DNAJC15: variants seen among roughly 807,000 people sequenced by gnomAD.
DNAJC15 encodes the protein DnaJ heat shock protein family (Hsp40) member C15.
Under a neutral mutation model 22.4 loss-of-function variants are expected in DNAJC15, and 27 were observed. The observed-to-expected ratio is 1.20, with a 90% CI of 0.89 to 1.66. The LOEUF (loss-of-function observed/expected upper bound fraction) is 1.66. DNAJC15 is among the 40% of genes most tolerant of loss of function. DNAJC15 has a pLI of 0.00. For synonymous variants in DNAJC15, 79 were observed against 63.2 expected, an observed-to-expected ratio of 1.25 and a Z score of -1.19; for missense variants, 208 against 187.1, an observed-to-expected ratio of 1.11 and a Z score of -0.65.
At chr13:43,024,139 A>G (rs939080305) in intron 1 of DNAJC15, among the ~76,000 whole-genome samples, 1 of 152,152 alleles carries the variant, frequency 6.6e-6, no homozygotes, top group Admixed American at 6.5e-5. Flanking sequence ...GAATAAAAAC[A>G]GTCCATTCAG....
chr13:43,091,017 C>T (rs1423156296), intron 5 of DNAJC15, among the ~76,000 whole-genome samples: 1 of 152,078 alleles, frequency 6.6e-6, no homozygotes, highest in East Asian at 1.9e-4. Context: ...ATGAAGCCAT[C>T]TGGGCTTGGA....
chr13:43,037,518 AAGTAGAC>A (rs2153439673), intron 1 of DNAJC15, among the ~76,000 whole-genome samples: 1 of 152,292 alleles, frequency 6.6e-6, no homozygotes, highest in South Asian at 2.1e-4. Flanking sequence ...GTTTATTTTA[AAGTAGAC>A]AGGTCAGAGG....
At chr13:43,080,329 C>T (rs978730461) in intron 4 of DNAJC15, among the ~76,000 whole-genome samples, 3 of 152,146 alleles carry the variant, frequency 2.0e-5, no homozygotes, top group African/African-American at 7.2e-5. Context: ...TCTGTTTCTG[C>T]ATTAGTTTGC....
intron 5 of DNAJC15, among the ~76,000 whole-genome samples, chr13:43,102,866 A>T (rs2153442328): frequency 6.6e-6 from 1 of 152,138 alleles, no homozygotes; most frequent in East Asian, 1.9e-4. Context: ...AAGAGTTTAA[A>T]GTGTTTTCTT....
rs1487455791 is a variant in DNAJC15, at chr13:43,109,677, T to TA, written c.*2430dup. On this transcript the variant is annotated 3_prime_UTR_variant, in exon 6 of 6. Transcript: ENST00000379221. ...TAGTCAATAACCCGTATCTATAAAA[T>TA]AGAGAAAATAATCCTACACACCGGG... 1 of 151,844 alleles carries TA rather than the reference T, an allele frequency of 6.6e-6. No individual in the cohort carries two copies. The highest frequency in any genetic ancestry group is 2.4e-5 in the African/African-American group (1 of 41,310). 9.4% of individuals were successfully genotyped at this position (151,844 alleles called of 1,614,324 possible).
chr13:43,024,337 G>T (rs886760490), intron 1 of DNAJC15, among the ~76,000 whole-genome samples: 23 of 93,386 alleles, frequency 2.5e-4, no homozygotes, highest in East Asian at 6.8e-4. Context: ...GTATTTTTAC[G>T]TTTTTTTTTT....
In DNAJC15 at chr13:43,023,661, A is replaced by T. The variant is rs548383604; in HGVS notation, c.35A>T (p.Glu12Val). ...AARGVIAPVGESLRYAEYLQP... is the reference protein window; with the variant it reads ...AARGVIAPVGVSLRYAEYLQP... ...CGTGGTGTCATCGCTCCAGTTGGCGAGAGTTTGCGCTACGCTGAGTACTTG... is the reference window on the plus strand; with the variant it reads ...CGTGGTGTCATCGCTCCAGTTGGCGTGAGTTTGCGCTACGCTGAGTACTTG... The change falls in exon 1 of 6, where the codon GAG becomes GTG. Residue 12 changes from glutamate (E) to valine (V), a missense_variant. Transcript: ENST00000379221. 1 of 1,612,580 alleles carries T rather than the reference A, an allele frequency of 6.2e-7. No homozygotes were observed. Among genetic ancestry groups the T allele is most frequent in the South Asian group, 1.1e-5 (1 of 90,772 alleles).
intron 4 of DNAJC15, among the ~76,000 whole-genome samples, chr13:43,082,829 C>A (rs978999222): frequency 5.3e-5 from 8 of 150,626 alleles, no homozygotes; most frequent in African/African-American, 2.0e-4. Flanking sequence ...TACAATGGTT[C>A]AGCAGAACAT....
intron 1 of DNAJC15, among the ~76,000 whole-genome samples, chr13:43,052,130 A>C (rs35865643): frequency 6.6e-6 from 1 of 151,516 alleles, no homozygotes; most frequent in African/African-American, 2.4e-5. Context: ...ACAGCCAGCT[A>C]ATTTTTGTAT....
chr13:43,090,804 T>C (rs1413665995), intron 5 of DNAJC15, among the ~76,000 whole-genome samples: 2 of 151,144 alleles, frequency 1.3e-5, no homozygotes, highest in Non-Finnish European at 2.9e-5. Context: ...GCCTCCTGGG[T>C]TCACACCATT....
At position 43,063,156 on chromosome 13, in the gene DNAJC15, C is replaced by T. The variant is rs928034950; in HGVS notation, c.109-2530C>T. Among the ~76,000 whole-genome samples, 19 of 152,236 alleles carry T rather than the reference C, an allele frequency of 1.2e-4. No homozygotes were observed. The South Asian group carries it at 1.5e-3, about 12-fold the overall frequency. ...TCCTGAGTAGCTGGGATTACAGGCA[C>T]ACGCTCCCATGCCCAGCTAATTTTT... is the stretch of plus-strand genomic sequence containing the variant. On this transcript the variant is annotated intron_variant, in intron 1 of 5. Transcript: ENST00000379221.
chr13:43,051,745 A>G (rs1181378513), intron 1 of DNAJC15, among the ~76,000 whole-genome samples: 2 of 152,144 alleles, frequency 1.3e-5, no homozygotes, highest in African/African-American at 2.4e-5. Context: ...TTGTGCTGCC[A>G]TAAACATGCA....
chr13:43,034,438 C>T (rs1253687973), intron 1 of DNAJC15, among the ~76,000 whole-genome samples: 6 of 151,030 alleles, frequency 4.0e-5, no homozygotes, highest in Non-Finnish European at 7.4e-5. Context: ...GCCTCAGCCT[C>T]CTGAGTAGCT....
intron 1 of DNAJC15, among the ~76,000 whole-genome samples, chr13:43,048,473 C>G (rs1312886157): frequency 6.6e-6 from 1 of 152,246 alleles, no homozygotes; most frequent in Admixed American, 6.5e-5. Context: ...GCTTGGGCAA[C>G]AAGAGCAAAA....
At chr13:43,060,106 GTCT>G (rs2040551398) in intron 1 of DNAJC15, among the ~76,000 whole-genome samples, 2 of 152,190 alleles carry the variant, frequency 1.3e-5, no homozygotes, top group Admixed American at 6.5e-5. Flanking sequence ...TGACATTCCT[GTCT>G]TCTTATATTA....
chr13:43,066,692 T>A (rs1204975149), intron 2 of DNAJC15, among the ~76,000 whole-genome samples: 1 of 152,132 alleles, frequency 6.6e-6, no homozygotes, highest in Non-Finnish European at 1.5e-5. Flanking sequence ...GGGCGATCTC[T>A]GCTCACTTCA....
At chr13:43,089,494 G>T (rs1376843656) in intron 5 of DNAJC15, among the ~76,000 whole-genome samples, 5 of 152,220 alleles carry the variant, frequency 3.3e-5, no homozygotes, top group Non-Finnish European at 4.4e-5. Flanking sequence ...ATGAGAAGGA[G>T]CTAGCTGTGT....
intron 1 of DNAJC15, among the ~76,000 whole-genome samples, chr13:43,028,923 G>T (rs1228261048): frequency 6.6e-6 from 1 of 152,154 alleles, no homozygotes; most frequent in African/African-American, 2.4e-5. Flanking sequence ...ATTTATATTT[G>T]TATAAGCACC....
chr13:43,034,732 T>C (rs1055954700), intron 1 of DNAJC15, among the ~76,000 whole-genome samples: 8 of 152,210 alleles, frequency 5.3e-5, no homozygotes, highest in Non-Finnish European at 8.8e-5. Context: ...TCAAGCTGTT[T>C]TATCTTTGGC....
Sources: gnomAD v4.1 joint callset for allele counts (sites outside exome capture counted in the v4.1 genomes callset) on GRCh38, gnomAD v4.1.1 for gene constraint, MANE v1.5 for transcripts, NCBI Gene and HGNC (gene_info 2026-07-23, HGNC 2026-07-21) for gene names.